SPANXN2: variants seen among roughly 807,000 people sequenced by gnomAD.
SPANXN2 encodes sperm protein associated with the nucleus on the X chromosome N2.
Under a neutral mutation model 2.0 loss-of-function variants are expected in SPANXN2, and 1 was observed. The observed-to-expected ratio is 0.50, with a 90% confidence interval of 0.18 to 2.36. The LOEUF (loss-of-function observed/expected upper bound fraction) is 2.36. Among genes scored for constraint, SPANXN2 ranks in the 30% most tolerant of loss-of-function variants. SPANXN2 has a pLI of 0.26. For missense variants in SPANXN2, 88 were observed against 116.7 expected, an observed-to-expected ratio of 0.75 and a Z score of 1.13; for synonymous variants, 43 against 49.8, an observed-to-expected ratio of 0.86 and a Z score of 0.58.
At position 143,712,863 on chromosome X, in the gene SPANXN2, T is replaced by C. The variant is rs782653502; in HGVS notation, c.79-364A>G. On this transcript the variant is annotated intron_variant, in intron 1 of 1. Coordinates refer to ENST00000598475, the Ensembl canonical transcript of SPANXN2. ...CCTATCATATCTTGCTTGGCAAAGT[T>C]CTAAGGAACGCCACAATGATATTCC... Among the ~76,000 whole-genome samples, 63 of 111,481 alleles carry C rather than the reference T, an allele frequency of 5.7e-4. 1 individual carries two copies. Among genetic ancestry groups the C allele is most frequent in the Non-Finnish European group, 8.1e-4 (43 of 53,091 alleles).
chrX:143,717,593 G>C (rs1268867442), intron 1 of SPANXN2, among the ~76,000 whole-genome samples: 1 of 112,189 alleles, frequency 8.9e-6, no homozygotes, highest in Non-Finnish European at 1.9e-5. Flanking sequence ...TCTTGCCCAA[G>C]TTTAAAAAAC....
At chrX:143,712,553 A>G (rs1932184651) in intron 1 of SPANXN2, 54 bp from the exon 2 acceptor site, 3 of 1,100,351 alleles carry the variant, frequency 2.7e-6, no homozygotes, top group Admixed American at 4.9e-5. Context: ...TGAATAGGGT[A>G]GAGACTGGAT....
exon 1 of SPANXN2, chrX:143,720,689 T>C: frequency 8.3e-7 from 1 of 1,205,198 alleles, no homozygotes; most frequent in East Asian, 3.0e-5. Context: ...GGTTGTAGAA[T>C]GTCTATAGTA....
chrX:143,720,388 C>A, intron 1 of SPANXN2, among the ~76,000 whole-genome samples: 1 of 95,307 alleles, frequency 1.0e-5, no homozygotes, highest in Admixed American at 1.2e-4. Flanking sequence ...CAATATCCTG[C>A]CGGGCAGCAA....
At chrX:143,717,564 C>T (rs1430210144) in intron 1 of SPANXN2, among the ~76,000 whole-genome samples, 1 of 112,133 alleles carries the variant, frequency 8.9e-6, no homozygotes, top group Non-Finnish European at 1.9e-5. Context: ...AAAAATAGTT[C>T]GATCTCACTG....
At chrX:143,711,992 A>G in exon 2 of SPANXN2, 1 of 1,210,950 alleles carries the variant, frequency 8.3e-7, no homozygotes, top group East Asian at 3.0e-5. Context: ...AATCATCGCC[A>G]TTGGTAGTGA....
exon 2 of SPANXN2, chrX:143,712,346 T>A (rs1280046643): frequency 8.3e-7 from 1 of 1,211,645 alleles, no homozygotes; most frequent in East Asian, 3.0e-5. Context: ...ACTGGATTGA[T>A]GGAGTTCTCT....
intron 1 of SPANXN2, among the ~76,000 whole-genome samples, chrX:143,719,215 G>T (rs782322735): frequency 9.0e-6 from 1 of 110,515 alleles, no homozygotes; most frequent in Non-Finnish European, 1.9e-5. Flanking sequence ...GTTACCAGTC[G>T]GATTCCAGAA....
At chrX:143,719,948 A>G (rs1556450620) in intron 1 of SPANXN2, among the ~76,000 whole-genome samples, 1 of 110,337 alleles carries the variant, frequency 9.1e-6, no homozygotes. Flanking sequence ...GCAGCCACCC[A>G]GCAACACATT....
At chrX:143,715,683 T>C (rs1932248038) in intron 1 of SPANXN2, among the ~76,000 whole-genome samples, 1 of 105,196 alleles carries the variant, frequency 9.5e-6, no homozygotes, top group Admixed American at 1.0e-4. Context: ...CTCAAACCTA[T>C]TATCTGTAAA....
chrX:143,716,392 A>T (rs1388444386), intron 1 of SPANXN2, among the ~76,000 whole-genome samples: 11 of 110,762 alleles, frequency 9.9e-5, no homozygotes, highest in Non-Finnish European at 1.3e-4. Context: ...GCCTTGTGGG[A>T]TACTTCTGGC....
intron 1 of SPANXN2, among the ~76,000 whole-genome samples, chrX:143,713,612 G>T (rs1432879785): frequency 2.7e-5 from 3 of 110,865 alleles, no homozygotes; most frequent in Non-Finnish European, 3.8e-5. Context: ...AATAGTACGG[G>T]GCTGCCCCAA....
At chrX:143,720,431 T>C in intron 1 of SPANXN2, among the ~76,000 whole-genome samples, 160 bp downstream of exon 1, 1 of 86,525 alleles carries the variant, frequency 1.2e-5, no homozygotes, top group African/African-American at 4.3e-5. Context: ...CACCCATACC[T>C]ATAAGCACCC....
chrX:143,711,985 C>T (rs782468371), exon 2 of SPANXN2: 3 of 1,209,493 alleles, frequency 2.5e-6, no homozygotes, highest in Non-Finnish European at 2.2e-6. Flanking sequence ...TTATTGTAAT[C>T]ATCGCCATTG....
exon 2 of SPANXN2, chrX:143,712,422 T>C (rs782105025): frequency 1.6e-6 from 2 of 1,212,157 alleles, no homozygotes; most frequent in Non-Finnish European, 2.2e-6. Flanking sequence ...AATACACTAT[T>C]ATTGTTAGAT....
At chrX:143,713,509 T>G (rs1485600754) in intron 1 of SPANXN2, among the ~76,000 whole-genome samples, 1 of 110,897 alleles carries the variant, frequency 9.0e-6, no homozygotes, top group Non-Finnish European at 1.9e-5. Flanking sequence ...GGGTGAGAGG[T>G]CTCCCCAGTC....
At chrX:143,714,613 T>A (rs1260197525) in intron 1 of SPANXN2, among the ~76,000 whole-genome samples, 2 of 112,003 alleles carry the variant, frequency 1.8e-5, no homozygotes, top group Non-Finnish European at 3.8e-5. Flanking sequence ...TAAATAAAGC[T>A]GTCCCTGCTC....
intron 1 of SPANXN2, among the ~76,000 whole-genome samples, chrX:143,716,892 A>T (rs1932277013): frequency 9.0e-6 from 1 of 111,587 alleles, no homozygotes; most frequent in Non-Finnish European, 1.9e-5. Context: ...CACCTTCCAG[A>T]GACATAAAAT....
chrX:143,718,440 CCCCG>C (rs1290621471), intron 1 of SPANXN2, among the ~76,000 whole-genome samples: 5 of 111,727 alleles, frequency 4.5e-5, no homozygotes, highest in South Asian at 7.5e-4. Flanking sequence ...ACTCCTCCTC[CCCCG>C]CTCTCCAACC....
Sources: allele counts gnomAD v4.1 joint callset (sites outside exome capture counted in the v4.1 genomes callset), GRCh38; gene constraint gnomAD v4.1.1; transcripts MANE v1.5; gene names NCBI Gene and HGNC (gene_info 2026-07-23, HGNC 2026-07-21).